ESRRG: variants seen among roughly 807,000 people sequenced by gnomAD.
ESRRG encodes the protein estrogen-related receptor gamma.
Under a neutral mutation model 44.0 loss-of-function variants are expected in ESRRG, and 13 were observed. The observed-to-expected ratio is 0.30, with a 90% CI of 0.19 to 0.47. The LOEUF is 0.47. ESRRG is among the 20% of genes least tolerant of loss of function. ESRRG has a pLI of 1.00. For synonymous variants in ESRRG, 215 were observed against 214.6 expected (o/e 1.00, Z -0.02); for missense variants, 395 against 580.6 (o/e 0.68, Z 3.29).
chr1:216,829,289 G>A (rs75856659), intron 2 of ESRRG, among the ~76,000 whole-genome samples: 1 of 152,040 alleles, frequency 6.6e-6, no homozygotes, highest in Non-Finnish European at 1.5e-5. Context: ...GAGGACAAGA[G>A]GGGTGAGGCA....
intron 1 of ESRRG, among the ~76,000 whole-genome samples, chr1:217,104,020 C>G (rs2092556202): frequency 6.6e-6 from 1 of 152,176 alleles, no homozygotes; most frequent in Admixed American, 6.5e-5. Flanking sequence ...ACTGTTTGCT[C>G]TGATCCTTGA....
chr1:217,133,173 G>A (rs2092989266), intron 1 of ESRRG, among the ~76,000 whole-genome samples: 1 of 152,258 alleles, frequency 6.6e-6, no homozygotes, highest in African/African-American at 2.4e-5. Context: ...GCCGCATAGA[G>A]AGCTGAGCGA....
intron 2 of ESRRG, among the ~76,000 whole-genome samples, chr1:216,830,728 C>T (rs892698998): frequency 6.6e-6 from 1 of 150,676 alleles, no homozygotes; most frequent in African/African-American, 2.5e-5. Flanking sequence ...GGCTGGATAG[C>T]GGGAGCCAAT....
intron 1 of ESRRG, among the ~76,000 whole-genome samples, chr1:216,720,016 A>G (rs2085860782): frequency 6.6e-6 from 1 of 152,110 alleles, no homozygotes; most frequent in African/African-American, 2.4e-5. Flanking sequence ...GGGCTAGTGG[A>G]ACATGGGGTA....
At chr1:217,106,272 A>T (rs2092594921) in intron 1 of ESRRG, among the ~76,000 whole-genome samples, 2 of 152,012 alleles carry the variant, frequency 1.3e-5, no homozygotes, top group Admixed American at 1.3e-4. Context: ...GGCATCTCTG[A>T]CTAAATGGCA....
In ESRRG at chr1:216,769,178, G is replaced by T. The variant is rs1013187199; in HGVS notation, c.-13-91687C>A. On this transcript the variant is annotated intron_variant, in intron 2 of 7. Coordinates refer to the ESRRG transcript ENST00000359162. Reference sequence around the variant, plus strand: ...GAATTTAGCAGGAGAATTGAGGAGAGTGAAGACCATTATGGCAGGGAATGT... The same window carrying T: ...GAATTTAGCAGGAGAATTGAGGAGATTGAAGACCATTATGGCAGGGAATGT... Among the ~76,000 whole-genome samples, 6 of 152,110 alleles carry T rather than the reference G, an allele frequency of 3.9e-5. No homozygotes were observed. In the South Asian group the frequency reaches 6.2e-4, roughly 16 times the overall value.
intron 2 of ESRRG, among the ~76,000 whole-genome samples, chr1:216,776,958 T>A (rs6658633): frequency 0.22 from 34,090 of 151,964 alleles, 4,076 homozygotes; most frequent in Admixed American, 0.31. Context: ...AACGAGGGCA[T>A]CTCTAGGCAT....
chr1:216,756,554 C>A (rs982801272), intron 2 of ESRRG, among the ~76,000 whole-genome samples: 1 of 151,948 alleles, frequency 6.6e-6, no homozygotes, highest in South Asian at 2.1e-4. Flanking sequence ...CACAATGGGT[C>A]TCAATAAAGC....
At chr1:216,599,640 A>C (rs2058924654) in intron 3 of ESRRG, among the ~76,000 whole-genome samples, 1 of 152,170 alleles carries the variant, frequency 6.6e-6, no homozygotes, top group Admixed American at 6.5e-5. Flanking sequence ...ATTTCATCTA[A>C]ATGAATCAAA....
intron 2 of ESRRG, among the ~76,000 whole-genome samples, chr1:216,660,093 G>A (rs964042465): frequency 6.6e-6 from 1 of 152,110 alleles, no homozygotes; most frequent in Non-Finnish European, 1.5e-5. Flanking sequence ...TAGGATATTT[G>A]ATTTCAAAGA....
At chr1:216,632,631 C>T (rs567991829) in intron 3 of ESRRG, among the ~76,000 whole-genome samples, 1 of 152,112 alleles carries the variant, frequency 6.6e-6, no homozygotes, top group Non-Finnish European at 1.5e-5. Context: ...AAATTTAAAA[C>T]ACAAAATAGA....
At chr1:216,974,539 A>G (rs1207184128) in intron 1 of ESRRG, among the ~76,000 whole-genome samples, 1 of 152,186 alleles carries the variant, frequency 6.6e-6, no homozygotes, top group East Asian at 1.9e-4. Context: ...CATATACATT[A>G]GCCTCCAAAG....
At chr1:217,132,390 C>T (rs945044828) in intron 1 of ESRRG, among the ~76,000 whole-genome samples, 2 of 152,138 alleles carry the variant, frequency 1.3e-5, no homozygotes, top group South Asian at 2.1e-4. Flanking sequence ...CCAGATGACA[C>T]AGCCATGCTG....
At chr1:216,969,504 T>G (rs1188418590) in intron 1 of ESRRG, among the ~76,000 whole-genome samples, 1 of 152,206 alleles carries the variant, frequency 6.6e-6, no homozygotes, top group African/African-American at 2.4e-5. Flanking sequence ...TAAGTTTACC[T>G]TCAGTACTTA....
chr1:217,124,491 A>C (rs761796935), intron 1 of ESRRG, among the ~76,000 whole-genome samples: 21 of 152,240 alleles, frequency 1.4e-4, no homozygotes, highest in Non-Finnish European at 2.8e-4. Context: ...AAAAACAAAC[A>C]GTTCTGAAGA....
At chr1:216,957,868 G>A (rs1236289243) in intron 1 of ESRRG, among the ~76,000 whole-genome samples, 1 of 152,142 alleles carries the variant, frequency 6.6e-6, no homozygotes, top group Non-Finnish European at 1.5e-5. Flanking sequence ...TTTGACTATT[G>A]TAAAACCATC....
intron 3 of ESRRG, among the ~76,000 whole-genome samples, chr1:216,635,189 G>A (rs1452780850): frequency 6.6e-6 from 1 of 152,178 alleles, no homozygotes; most frequent in African/African-American, 2.4e-5. Context: ...TACAAGGGTG[G>A]AAAGGTAGCA....
At chr1:216,546,806 T>C (rs1265780485) in intron 5 of ESRRG, among the ~76,000 whole-genome samples, 2 of 133,324 alleles carry the variant, frequency 1.5e-5, no homozygotes, top group Non-Finnish European at 3.4e-5. Flanking sequence ...ACCTCTGCTA[T>C]CTCTTTATAT....
chr1:216,981,440 A>T (rs1159150882), intron 1 of ESRRG, among the ~76,000 whole-genome samples: 1 of 152,136 alleles, frequency 6.6e-6, no homozygotes, highest in Non-Finnish European at 1.5e-5. Context: ...GGAGACAATA[A>T]TGGTACCCTA....
Sources: allele counts gnomAD v4.1 joint callset (sites outside exome capture counted in the v4.1 genomes callset), GRCh38; gene constraint gnomAD v4.1.1; transcripts MANE v1.5; gene names NCBI Gene and HGNC (gene_info 2026-07-23, HGNC 2026-07-21).